AKT3: variants seen among roughly 807,000 people sequenced by gnomAD.
The protein encoded by AKT3 is AKT serine/threonine kinase 3.
AKT3 carries 15 observed loss-of-function variants against 65.3 expected under a neutral mutation model. The observed-to-expected ratio is 0.23, with a 90% CI of 0.15 to 0.35. AKT3 has a LOEUF of 0.35. Among genes scored for constraint, AKT3 ranks in the 10% least tolerant of loss-of-function variants. AKT3 has a pLI of 1.00. For synonymous variants in AKT3, 206 were observed against 183.8 expected (o/e 1.12, Z -0.98); for missense variants, 243 against 576.5 (o/e 0.42, Z 5.92).
At chr1:243,659,927 T>C (rs955678003) in intron 4 of AKT3, among the ~76,000 whole-genome samples, 3 of 152,228 alleles carry the variant, frequency 2.0e-5, no homozygotes, top group African/African-American at 7.2e-5. Flanking sequence ...TCAAGGATAT[T>C]GGTCTAAAAT....
chr1:243,785,241 T>C (rs566616931), intron 2 of AKT3, among the ~76,000 whole-genome samples: 1 of 151,646 alleles, frequency 6.6e-6, no homozygotes, highest in African/African-American at 2.4e-5. Context: ...GCTAATTTTT[T>C]TTTTTTTTTT....
chr1:243,753,548 A>G (rs1453680553), intron 2 of AKT3, among the ~76,000 whole-genome samples: 1 of 152,228 alleles, frequency 6.6e-6, no homozygotes, highest in Non-Finnish European at 1.5e-5. Context: ...AAAAACTTCT[A>G]GAATTTGGTT....
intron 2 of AKT3, among the ~76,000 whole-genome samples, chr1:243,789,446 A>G (rs1691478311): frequency 6.6e-6 from 1 of 152,250 alleles, no homozygotes; most frequent in Non-Finnish European, 1.5e-5. Flanking sequence ...TTAATGTTTT[A>G]TCATAATACT....
chr1:243,611,455 G>C (rs1384279849), intron 8 of AKT3, among the ~76,000 whole-genome samples: 1 of 152,096 alleles, frequency 6.6e-6, no homozygotes, highest in Non-Finnish European at 1.5e-5. Context: ...GGCTGACGTG[G>C]GTGCATCACT....
rs760097159 is a variant in AKT3 at position 243,549,531 on chromosome 1, C to A, written c.1163+3198G>T. Among the ~76,000 whole-genome samples the A allele has an allele frequency of 1.1e-4, 17 of 152,198 alleles. 1 individual carries two copies. The highest frequency in any genetic ancestry group is 2.1e-4 in the Non-Finnish European group (14 of 67,988). On this transcript the variant is annotated intron_variant, in intron 11 of 13. Transcript: ENST00000673466. Reference sequence around the variant, plus strand: ...GCAGTCTCGACCTCCTGGGCTCCAGCGATTCTCCCACCTCAGCCTCCCAAG... The same window carrying A: ...GCAGTCTCGACCTCCTGGGCTCCAGAGATTCTCCCACCTCAGCCTCCCAAG...
intron 12 of AKT3, 31 bp downstream of exon 12, chr1:243,545,479 A>T: frequency 7.2e-7 from 1 of 1,398,566 alleles, no homozygotes; most frequent in Non-Finnish European, 1.0e-6. Context: ...CAGCCAAAAT[A>T]TATACACACT....
chr1:243,596,996 A>T (rs1169356329), intron 8 of AKT3, among the ~76,000 whole-genome samples: 1 of 152,220 alleles, frequency 6.6e-6, no homozygotes, highest in Non-Finnish European at 1.5e-5. Context: ...AGATGAATCA[A>T]ATCTTTAGTG....
chr1:243,657,425 A>T (rs929344593), intron 4 of AKT3, among the ~76,000 whole-genome samples: 3 of 152,230 alleles, frequency 2.0e-5, no homozygotes, highest in Admixed American at 1.3e-4. Flanking sequence ...GTACTTTAGG[A>T]ATAAACTTAA....
intron 6 of AKT3, among the ~76,000 whole-genome samples, chr1:243,628,349 A>C (rs1679341253): frequency 6.6e-6 from 1 of 151,996 alleles, no homozygotes; most frequent in South Asian, 2.1e-4. Context: ...AACCAGGCTG[A>C]ATACAGTGGG....
chr1:243,664,975 A>C, intron 3 of AKT3, 92 bp from the exon 4 acceptor site: 2 of 566,884 alleles, frequency 3.5e-6, no homozygotes, highest in Non-Finnish European at 5.4e-6. Context: ...TTTAAACAAA[A>C]CCCAGTGCGA....
chr1:243,615,809 G>A lies in AKT3; in HGVS notation c.562-648C>T, dbSNP rs540316094. 4.6e-5 allele frequency among the ~76,000 whole-genome samples: 7 copies of A among 152,110 alleles called. No homozygotes were observed. In the South Asian group the frequency reaches 1.2e-3, roughly 27 times the overall value. ...TACAGTGGTACAATCACAGCTCACT[G>A]TAACCTTGAACTCCTGGACTCAAGC... On this transcript the variant is annotated intron_variant, in intron 6 of 13. Coordinates refer to ENST00000673466, the MANE Select transcript of AKT3 (RefSeq NM_005465.7).
intron 8 of AKT3, among the ~76,000 whole-genome samples, chr1:243,585,469 C>T (rs2148536959): frequency 6.6e-6 from 1 of 152,118 alleles, no homozygotes; most frequent in Non-Finnish European, 1.5e-5. Context: ...CTAGAGGTAT[C>T]AAATTACCTG....
At chr1:243,526,907 T>C (rs970122056) in intron 12 of AKT3, among the ~76,000 whole-genome samples, 10 of 150,570 alleles carry the variant, frequency 6.6e-5, no homozygotes, top group African/African-American at 2.2e-4. Context: ...TAGACAGCGG[T>C]GATGGTTGCA....
intron 3 of AKT3, among the ~76,000 whole-genome samples, chr1:243,693,635 G>A (rs1487126615): frequency 2.0e-5 from 3 of 152,044 alleles, no homozygotes; most frequent in Non-Finnish European, 4.4e-5. Context: ...CAGAGTTTCA[G>A]AGAATAATCT....
chr1:243,813,193 A>G (rs1334550864), intron 2 of AKT3, among the ~76,000 whole-genome samples: 2 of 152,200 alleles, frequency 1.3e-5, no homozygotes, highest in Admixed American at 6.5e-5. Flanking sequence ...AGAGAAAAAT[A>G]TATCTTTACA....
chr1:243,835,479 C>T (rs1694838681), intron 2 of AKT3, among the ~76,000 whole-genome samples: 1 of 152,068 alleles, frequency 6.6e-6, no homozygotes, highest in South Asian at 2.1e-4. Context: ...TATTCCACTA[C>T]CTTAGAACAA....
Position 243,504,380 on chromosome 1 carries a change from CATT to C in AKT3, c.*866_*868del, listed in dbSNP as rs1669530269. The C allele has an allele frequency of 5.1e-6, 1 of 197,598 alleles. No individual in the cohort carries two copies. Among genetic ancestry groups the C allele is most frequent in the South Asian group, 1.9e-4 (1 of 5,194 alleles). The allele number at this position is 197,598 out of a possible 1,614,324, so 12.2% of individuals were successfully genotyped here. ...TAGAAATTTTGGTGAAAAGCAGTAT[CATT>C]ATACCTGTCTACATTCTTCAGCCAT... On this transcript the variant is annotated 3_prime_UTR_variant, in exon 14 of 14. Transcript: ENST00000673466.
chr1:243,499,711 G>A (rs373319050), downstream of AKT3: 24 of 1,453,268 alleles, frequency 1.7e-5, no homozygotes, highest in African/African-American at 2.8e-4. Context: ...AAATAACATT[G>A]AAGAACATGA....
chr1:243,698,848 A>G (rs1685228471), intron 2 of AKT3, among the ~76,000 whole-genome samples: 1 of 151,942 alleles, frequency 6.6e-6, no homozygotes, highest in African/African-American at 2.4e-5. Context: ...CACCTATAAT[A>G]TGAATTAACT....
Sources: gnomAD v4.1 joint callset for allele counts (sites outside exome capture counted in the v4.1 genomes callset) on GRCh38, gnomAD v4.1.1 for gene constraint, MANE v1.5 for transcripts, NCBI Gene and HGNC (gene_info 2026-07-23, HGNC 2026-07-21) for gene names.